Variants in OR14A2 observed in about 807,000 individuals in gnomAD.
OR14A2 encodes olfactory receptor family 14 subfamily A member 2, also known as olfactory receptor 14A2.
For missense variants in OR14A2, 237 were observed against 152.9 expected (o/e 1.55, Z -2.90); for synonymous variants, 114 against 58.6 (o/e 1.95, Z -4.32).
chr1:247,737,344 G>T, the OR14A2 span, among the ~76,000 whole-genome samples: 1 of 152,120 alleles, frequency 6.6e-6, no homozygotes. Context: ...AGACTCTCTT[G>T]TGTCTACAAA....
exon 1 of OR14A2, chr1:247,723,271 A>G (rs1243365990): frequency 1.4e-6 from 1 of 717,534 alleles, no homozygotes; most frequent in Non-Finnish European, 2.6e-6. Context: ...AGGTGGCTTA[A>G]GATAAACAAA....
the OR14A2 span, among the ~76,000 whole-genome samples, chr1:247,735,677 C>T: frequency 6.6e-6 from 1 of 152,098 alleles, no homozygotes; most frequent in Non-Finnish European, 1.5e-5. Context: ...AAGGAAGTGC[C>T]TAATACAGAG....
the OR14A2 span, among the ~76,000 whole-genome samples, chr1:247,741,296 C>T: frequency 6.6e-6 from 1 of 152,170 alleles, no homozygotes; most frequent in African/African-American, 2.4e-5. Flanking sequence ...AAAGTTCATG[C>T]ATAAACTCTT....
rs1193618146 is a variant in OR14A2, at chr1:247,723,752, G to T, written c.292C>A (p.Gln98Lys). 5.6e-6 allele frequency: 4 copies of T among 718,232 alleles called. No individual in the cohort carries two copies. In the East Asian group the frequency reaches 1.1e-4, roughly 19 times the overall value. The allele number at this position is 718,232 out of a possible 1,614,324, so 44.5% of individuals were successfully genotyped here. ...GAGAAGGAAGTCATTAAAAGTAGCT[G>T]GAAGGCACATCCTAGAATGGAAATG... Residue 98 changes from glutamine to lysine, a missense_variant, in exon 1 of 1, where the codon CAG (glutamine) becomes AAG (lysine). Coordinates refer to ENST00000366485, the Ensembl canonical transcript of OR14A2.
At chr1:247,728,061 T>TA (rs1363672272), upstream of OR14A2, among the ~76,000 whole-genome samples, 1 of 147,528 alleles carries the variant, frequency 6.8e-6, no homozygotes, top group East Asian at 2.0e-4. Flanking sequence ...GAATCCTCCC[T>TA]AACTCATTTT....
At chr1:247,723,501 T>C in exon 1 of OR14A2, 1 of 717,706 alleles carries the variant, frequency 1.4e-6, no homozygotes, top group Admixed American at 2.0e-5. Context: ...TCCTTAGTAA[T>C]GAAGGAACAT....
chr1:247,741,622 A>G, the OR14A2 span, among the ~76,000 whole-genome samples: 1 of 152,244 alleles, frequency 6.6e-6, no homozygotes, highest in Non-Finnish European at 1.5e-5. Flanking sequence ...TGTTAAATAT[A>G]CATATAGATA....
At chr1:247,739,623 A>G in the OR14A2 span, 16 of 663,922 alleles carry the variant, frequency 2.4e-5, no homozygotes, top group African/African-American at 2.3e-4. Context: ...CTAGCTGTTT[A>G]AAATTATCTC....
chr1:247,737,470 T>C, the OR14A2 span, among the ~76,000 whole-genome samples: 1 of 152,224 alleles, frequency 6.6e-6, no homozygotes, highest in African/African-American at 2.4e-5. Context: ...AGAGCAATAA[T>C]GGAGAGCCTG....
the OR14A2 span, among the ~76,000 whole-genome samples, chr1:247,738,067 T>G: frequency 6.5e-3 from 994 of 152,326 alleles, 12 homozygotes; most frequent in African/African-American, 0.022. Flanking sequence ...TAATCACATT[T>G]TCACCAAAGG....
the OR14A2 span, among the ~76,000 whole-genome samples, chr1:247,747,875 T>G: frequency 6.6e-6 from 1 of 152,162 alleles, no homozygotes; most frequent in Non-Finnish European, 1.5e-5. Context: ...ACTTACAGAA[T>G]TGAATGACTG....
At chr1:247,737,568 C>T in the OR14A2 span, among the ~76,000 whole-genome samples, 1 of 152,088 alleles carries the variant, frequency 6.6e-6, no homozygotes, top group Non-Finnish European at 1.5e-5. Flanking sequence ...AAACCTAGAG[C>T]AGTGTCTACA....
At chr1:247,727,766 A>G (rs1388998320), upstream of OR14A2, among the ~76,000 whole-genome samples, 2 of 149,464 alleles carry the variant, frequency 1.3e-5, no homozygotes, top group African/African-American at 5.1e-5. Flanking sequence ...ACAGAAATAC[A>G]AACTACCATC....
chr1:247,733,219 C>G, the OR14A2 span, among the ~76,000 whole-genome samples: 5 of 152,100 alleles, frequency 3.3e-5, no homozygotes, highest in African/African-American at 1.2e-4. Context: ...ACCTGTCTCT[C>G]TAGATTTAAG....
chr1:247,738,621 A>G, the OR14A2 span: 6 of 776,616 alleles, frequency 7.7e-6, no homozygotes, highest in South Asian at 5.4e-5. Flanking sequence ...AACTATGACC[A>G]ATCAGACACA....
the OR14A2 span, among the ~76,000 whole-genome samples, chr1:247,737,112 A>G: frequency 2.0e-5 from 3 of 152,114 alleles, no homozygotes; most frequent in Non-Finnish European, 4.4e-5. Context: ...TCAACTTTAA[A>G]TCACTTGTTA....
the OR14A2 span, among the ~76,000 whole-genome samples, chr1:247,737,324 C>G: frequency 6.6e-6 from 1 of 152,012 alleles, no homozygotes; most frequent in Non-Finnish European, 1.5e-5. Context: ...AACTGCTGAA[C>G]AACAAAGTGA....
upstream of OR14A2, among the ~76,000 whole-genome samples, chr1:247,725,485 TTTTATTTA>T (rs539862993): frequency 2.7e-4 from 40 of 149,950 alleles, no homozygotes; most frequent in Admixed American, 4.0e-4. Context: ...ATCTACAAGA[TTTTATTTA>T]TTTATTTATT....
chr1:247,723,273 A>G (rs752540156), exon 1 of OR14A2: 46 of 717,492 alleles, frequency 6.4e-5, no homozygotes, highest in Non-Finnish European at 3.4e-5. Context: ...GTGGCTTAAG[A>G]TAAACAAAAT....
Sources: gnomAD v4.1 joint callset for allele counts (sites outside exome capture counted in the v4.1 genomes callset) on GRCh38, gnomAD v4.1.1 for gene constraint, MANE v1.5 for transcripts, NCBI Gene and HGNC (gene_info 2026-07-23, HGNC 2026-07-21) for gene names.